Variants in RALGAPA2 observed in about 807,000 individuals in gnomAD.
RALGAPA2 encodes the protein Ral GTPase activating protein catalytic subunit alpha 2, also known as ral GTPase-activating protein subunit alpha-2.
A neutral mutation model predicts 230.4 loss-of-function variants in RALGAPA2; 139 were observed. The ratio of observed to expected loss-of-function variants is 0.60; its 90% CI spans 0.53 to 0.69. RALGAPA2 has a LOEUF of 0.69. RALGAPA2 is among the 30% of genes least tolerant of loss of function. RALGAPA2 has a pLI of 0.00. For missense variants in RALGAPA2, 2,163 were observed against 2,276.0 expected (o/e 0.95, Z 1.01); for synonymous variants, 847 against 837.8 (o/e 1.01, Z -0.19).
At chr20:20,612,644 T>C (rs2066010064) in intron 13 of RALGAPA2, among the ~76,000 whole-genome samples, 1 of 152,236 alleles carries the variant, frequency 6.6e-6, no homozygotes, top group East Asian at 1.9e-4. Context: ...TACTTGTCCA[T>C]GTATTCCTAT....
rs181787746 is a variant in RALGAPA2 at position 20,646,914 on chromosome 20, G to A, written c.329-3365C>T. On this transcript the variant is annotated intron_variant, in intron 4 of 39. Transcript: ENST00000202677. ...TATGTACTTTTAATTTTTTTTTCTC[G>A]TGCAGAACATTAAAGTAGCTTAAAA... Among the ~76,000 whole-genome samples, 521 of 149,668 alleles carry A rather than the reference G, an allele frequency of 3.5e-3. 2 individuals are homozygous for A. Among genetic ancestry groups the A allele is most frequent in the African/African-American group, 0.012 (501 of 40,724 alleles).
At chr20:20,482,563 C>T (rs557590305) in intron 36 of RALGAPA2, among the ~76,000 whole-genome samples, 197 of 152,222 alleles carry the variant, frequency 1.3e-3, no homozygotes, top group Non-Finnish European at 2.3e-3. Flanking sequence ...CCAAAGTGCA[C>T]TTTAAGAGAT....
chr20:20,522,742 AAAAC>A (rs2063082989), intron 30 of RALGAPA2, among the ~76,000 whole-genome samples: 2 of 152,262 alleles, frequency 1.3e-5, no homozygotes, highest in South Asian at 4.1e-4. Context: ...TTTAAAATAC[AAAAC>A]AAACAGTTAT....
chr20:20,462,034 T>A (rs2061314526), intron 37 of RALGAPA2, among the ~76,000 whole-genome samples: 1 of 152,158 alleles, frequency 6.6e-6, no homozygotes, highest in African/African-American at 2.4e-5. Context: ...GGACAACATA[T>A]TCTGTGCTCT....
At position 20,712,158 on chromosome 20, in the gene RALGAPA2, T is replaced by G. The variant is rs1284746247; in HGVS notation, c.106+217A>C. Reference sequence around the variant, plus strand: ...CGCCCAGCGAGAATCTGGGCTAAGTTTAACTCGAGGGCGACGGGAGCAGTG... The same window carrying G: ...CGCCCAGCGAGAATCTGGGCTAAGTGTAACTCGAGGGCGACGGGAGCAGTG... On this transcript the variant is annotated intron_variant, in intron 1 of 39. Coordinates refer to ENST00000202677, the MANE Select transcript of RALGAPA2 (RefSeq NM_020343.4). The surrounding 1 kb of genome is among the most constrained non-coding windows in gnomAD (Gnocchi z 5.5). 6.6e-6 allele frequency among the ~76,000 whole-genome samples: 1 copy of G among 151,776 alleles called. No individual in the cohort carries two copies. Among genetic ancestry groups the G allele is most frequent in the Non-Finnish European group, 1.5e-5 (1 of 67,932 alleles).
chr20:20,466,394 G>A (rs1199652744), intron 37 of RALGAPA2, among the ~76,000 whole-genome samples: 1 of 152,194 alleles, frequency 6.6e-6, no homozygotes, highest in Non-Finnish European at 1.5e-5. Flanking sequence ...GCCCACTCTG[G>A]TTTTTGAATG....
chr20:20,703,807 C>T (rs932676727), intron 1 of RALGAPA2, among the ~76,000 whole-genome samples: 4 of 152,230 alleles, frequency 2.6e-5, no homozygotes, highest in African/African-American at 4.8e-5. Flanking sequence ...GACGACATGG[C>T]GGGTTCCTAT....
intron 35 of RALGAPA2, 55 bp from the exon 36 acceptor site, chr20:20,495,330 G>A (rs1033330436): frequency 5.9e-6 from 8 of 1,351,116 alleles, no homozygotes; most frequent in African/African-American, 1.5e-5. Context: ...AGTTTATGAG[G>A]GGTCATGGCT....
At chr20:20,539,928 G>A (rs2063599120) in intron 24 of RALGAPA2, among the ~76,000 whole-genome samples, 1 of 152,122 alleles carries the variant, frequency 6.6e-6, no homozygotes, top group South Asian at 2.1e-4. Flanking sequence ...TGTTGCAAAT[G>A]ACAGAATTTC....
At chr20:20,621,010 G>A (rs759514334) in intron 10 of RALGAPA2, among the ~76,000 whole-genome samples, 3 of 151,692 alleles carry the variant, frequency 2.0e-5, no homozygotes, top group South Asian at 2.1e-4. Context: ...GCGTGGTGGC[G>A]TGTGCCTGTA....
rs191543932 is a variant in RALGAPA2, at chr20:20,503,555, T to C, written c.5053-49A>G. ...AGAGTGAGGATCAAAAATGAGCTGC[T>C]CTTTCACTAAGCAGGACTGTGAATT... On this transcript the variant is annotated intron_variant, in intron 34 of 39. Transcript: ENST00000202677. The C allele has an allele frequency of 7.1e-6, 10 of 1,416,480 alleles. No homozygotes were observed. The Admixed American group carries it at 1.1e-4, about 15-fold the overall frequency. 87.7% of individuals were successfully genotyped at this position (1,416,480 alleles called of 1,614,324 possible).
At chr20:20,488,238 T>C (rs1032366441) in intron 36 of RALGAPA2, among the ~76,000 whole-genome samples, 2 of 152,218 alleles carry the variant, frequency 1.3e-5, no homozygotes, top group African/African-American at 4.8e-5. Context: ...AATGACTGCT[T>C]TCTCCCTTTT....
chr20:20,531,846 T>C (rs144229399), intron 26 of RALGAPA2, 51 bp from the exon 27 acceptor site: 6 of 1,320,854 alleles, frequency 4.5e-6, no homozygotes, highest in Non-Finnish European at 6.3e-6. Flanking sequence ...CTTAATATAC[T>C]TTCTCAGTAT....
At chr20:20,522,909 T>A (rs979524261) in intron 30 of RALGAPA2, among the ~76,000 whole-genome samples, 2 of 152,206 alleles carry the variant, frequency 1.3e-5, no homozygotes, top group Non-Finnish European at 2.9e-5. Flanking sequence ...CTGTACAGGT[T>A]TATAAACCAC....
intron 10 of RALGAPA2, among the ~76,000 whole-genome samples, chr20:20,624,364 A>AAAC (rs1304204102): frequency 6.6e-6 from 1 of 151,826 alleles, no homozygotes; most frequent in Non-Finnish European, 1.5e-5. Flanking sequence ...GGCAAAAGAA[A>AAAC]AACCTTCCCC....
chr20:20,487,965 T>C (rs1318019478), intron 36 of RALGAPA2, among the ~76,000 whole-genome samples: 2 of 147,724 alleles, frequency 1.4e-5, no homozygotes, highest in Non-Finnish European at 3.0e-5. Flanking sequence ...AAGAACAAAA[T>C]ACTTTGGGTA....
chr20:20,487,283 T>A (rs1296586062), intron 36 of RALGAPA2, among the ~76,000 whole-genome samples: 2 of 152,246 alleles, frequency 1.3e-5, no homozygotes, highest in African/African-American at 4.8e-5. Context: ...TTGAATGACC[T>A]TGCTGTTATC....
At chr20:20,603,725 C>T (rs1428857748) in intron 15 of RALGAPA2, among the ~76,000 whole-genome samples, 1 of 152,192 alleles carries the variant, frequency 6.6e-6, no homozygotes, top group Non-Finnish European at 1.5e-5. Flanking sequence ...GAAGCAAAGA[C>T]CAGCAGAAGA....
At chr20:20,656,103 GT>G (rs1422240925) in intron 3 of RALGAPA2, among the ~76,000 whole-genome samples, 1 of 152,200 alleles carries the variant, frequency 6.6e-6, no homozygotes, top group African/African-American at 2.4e-5. Flanking sequence ...AGCTGAAGCT[GT>G]GTGTACATGA....
Sources: allele counts gnomAD v4.1 joint callset (sites outside exome capture counted in the v4.1 genomes callset), GRCh38; gene constraint gnomAD v4.1.1; non-coding constraint Gnocchi (gnomAD v3.1); transcripts MANE v1.5; gene names NCBI Gene and HGNC (gene_info 2026-07-23, HGNC 2026-07-21).